Variants in RBFOX1 observed in about 807,000 individuals in gnomAD.
The protein encoded by RBFOX1 is RNA binding fox-1 homolog 1, also known as RNA binding protein fox-1 homolog 1.
A neutral mutation model predicts 57.7 loss-of-function variants in RBFOX1; 8 were observed. The ratio of observed to expected loss-of-function variants is 0.14; its 90% CI spans 0.08 to 0.25. The LOEUF is 0.25. Ranked by LOEUF, RBFOX1 falls within the 10% of genes least tolerant of loss-of-function variation. RBFOX1 has a pLI of 1.00. For synonymous variants in RBFOX1, 326 were observed against 222.4 expected, an observed-to-expected ratio of 1.47 and a Z score of -4.15; for missense variants, 611 against 548.5, an observed-to-expected ratio of 1.11 and a Z score of -1.14.
intron 1 of RBFOX1, among the ~76,000 whole-genome samples, chr16:6,310,425 G>T (rs2152761039): frequency 6.6e-6 from 1 of 152,298 alleles, no homozygotes; most frequent in South Asian, 2.1e-4. Context: ...TTTATTAAAA[G>T]GATTGTTGTT....
intron 5 of RBFOX1, among the ~76,000 whole-genome samples, chr16:7,551,361 A>G (rs1438699547): frequency 1.3e-5 from 2 of 152,018 alleles, no homozygotes; most frequent in Admixed American, 1.3e-4. Context: ...GATGAGATGT[A>G]CCCTCCAGGG....
Position 5,614,764 on chromosome 16 carries a change from A to G in RBFOX1, c.318+15803A>G, listed in dbSNP as rs2047958842. 2.0e-5 allele frequency among the ~76,000 whole-genome samples: 3 copies of G among 152,180 alleles called. No homozygotes were observed. The South Asian group carries it at 6.2e-4, about 32-fold the overall frequency. Reference sequence around the variant, plus strand: ...AATGCAAATCTAGATGCGAGATGCTATGGGTGAGTGAAGGTGCACAAATTA... The same window carrying G: ...AATGCAAATCTAGATGCGAGATGCTGTGGGTGAGTGAAGGTGCACAAATTA... On this transcript the variant is annotated intron_variant, in intron 3 of 19. Coordinates refer to the RBFOX1 transcript ENST00000641259.
chr16:7,257,648 A>G lies in RBFOX1; in HGVS notation c.27+205550A>G, dbSNP rs996896602. On this transcript the variant is annotated intron_variant, in intron 4 of 15. Transcript: ENST00000550418. Reference sequence around the variant, plus strand: ...TCTTCCAAAGTGAGATTGTACTCCCAACCCTCCTCTGTAGCCATCCTTGGG... The same window carrying G: ...TCTTCCAAAGTGAGATTGTACTCCCGACCCTCCTCTGTAGCCATCCTTGGG... Among the ~76,000 whole-genome samples, 9 of 152,150 alleles carry G rather than the reference A, an allele frequency of 5.9e-5. No individual in the cohort carries two copies. In the South Asian group the frequency reaches 1.2e-3, roughly 21 times the overall value.
At chr16:5,648,303 C>T (rs568728304) in intron 3 of RBFOX1, among the ~76,000 whole-genome samples, 1 of 152,208 alleles carries the variant, frequency 6.6e-6, no homozygotes, top group African/African-American at 2.4e-5. Context: ...GTGTCACAAC[C>T]TCACTTTCTT....
intron 2 of RBFOX1, among the ~76,000 whole-genome samples, chr16:6,571,457 G>A (rs1036904910): frequency 1.2e-4 from 19 of 152,164 alleles, no homozygotes; most frequent in African/African-American, 4.6e-4. Flanking sequence ...TTTAAGTTGT[G>A]TATGCTTCAT....
At chr16:5,817,647 T>C (rs891652987) in intron 3 of RBFOX1, among the ~76,000 whole-genome samples, 8 of 150,134 alleles carry the variant, frequency 5.3e-5, no homozygotes, top group Non-Finnish European at 1.0e-4. Flanking sequence ...TTCATGAAGA[T>C]GGGGCTGGAG....
At chr16:7,046,865 C>G (rs906570035) in intron 3 of RBFOX1, among the ~76,000 whole-genome samples, 1 of 151,972 alleles carries the variant, frequency 6.6e-6, no homozygotes, top group African/African-American at 2.4e-5. Context: ...CTCGGTCTTT[C>G]AAAGTTCTGG....
intron 2 of RBFOX1, among the ~76,000 whole-genome samples, chr16:6,550,967 A>G (rs781319842): frequency 1.3e-5 from 2 of 152,180 alleles, no homozygotes; most frequent in Non-Finnish European, 2.9e-5. Flanking sequence ...ATGGGAATAC[A>G]AGTGTGGGCA....
At chr16:7,200,828 C>T (rs1042429436) in intron 4 of RBFOX1, among the ~76,000 whole-genome samples, 3 of 152,170 alleles carry the variant, frequency 2.0e-5, no homozygotes, top group African/African-American at 7.2e-5. Context: ...TAGGCCCTTT[C>T]ATGCTTTCTC....
intron 4 of RBFOX1, among the ~76,000 whole-genome samples, chr16:7,265,223 C>G (rs1014170011): frequency 2.6e-5 from 4 of 151,804 alleles, no homozygotes; most frequent in Admixed American, 6.6e-5. Flanking sequence ...GAAATCTTTT[C>G]TCTTGCAGAT....
chr16:6,927,394 C>G (rs1395720909), intron 3 of RBFOX1, among the ~76,000 whole-genome samples: 1 of 97,664 alleles, frequency 1.0e-5, no homozygotes, highest in East Asian at 3.1e-4. Flanking sequence ...GCCTGGGCAA[C>G]AGAGTGAGAC....
intron 1 of RBFOX1, among the ~76,000 whole-genome samples, chr16:6,185,071 A>G (rs1288257487): frequency 6.6e-6 from 1 of 152,192 alleles, no homozygotes; most frequent in Non-Finnish European, 1.5e-5. Context: ...CTGTAGAACA[A>G]GGAAGAGGTT....
intron 1 of RBFOX1, among the ~76,000 whole-genome samples, chr16:5,307,113 C>T (rs1006348493): frequency 1.3e-5 from 2 of 152,156 alleles, no homozygotes; most frequent in African/African-American, 4.8e-5. Context: ...ACCAACCTGG[C>T]TGTTCCTGGG....
intron 2 of RBFOX1, among the ~76,000 whole-genome samples, chr16:5,495,923 T>C (rs2042987108): frequency 6.6e-6 from 1 of 152,132 alleles, no homozygotes; most frequent in Admixed American, 6.5e-5. Flanking sequence ...GTCAGGAGTT[T>C]GAGGCCATCC....
At chr16:7,385,788 G>C (rs188576716) in intron 4 of RBFOX1, among the ~76,000 whole-genome samples, 37 of 152,060 alleles carry the variant, frequency 2.4e-4, no homozygotes, top group Admixed American at 2.0e-3. Context: ...GAGTCTCGCT[G>C]TGTCACCCAG....
At chr16:7,492,686 G>A (rs953245806) in intron 4 of RBFOX1, among the ~76,000 whole-genome samples, 1 of 152,108 alleles carries the variant, frequency 6.6e-6, no homozygotes, top group Non-Finnish European at 1.5e-5. Flanking sequence ...GAGTGGTTTA[G>A]TGCCATACCC....
At chr16:6,865,008 T>C (rs1183401352) in intron 3 of RBFOX1, among the ~76,000 whole-genome samples, 3 of 142,538 alleles carry the variant, frequency 2.1e-5, no homozygotes, top group Non-Finnish European at 4.5e-5. Flanking sequence ...TTTTTTTTTT[T>C]TTTTTTTTTT....
chr16:7,116,230 A>G (rs571922536), intron 4 of RBFOX1, among the ~76,000 whole-genome samples: 5 of 152,240 alleles, frequency 3.3e-5, no homozygotes, highest in African/African-American at 1.2e-4. Context: ...TCCTGAATAT[A>G]TAGAGAGAAA....
At chr16:5,463,759 C>T (rs1428667500) in intron 1 of RBFOX1, among the ~76,000 whole-genome samples, 2 of 149,528 alleles carry the variant, frequency 1.3e-5, no homozygotes, top group African/African-American at 5.0e-5. Flanking sequence ...AAGATTGCAC[C>T]ACTGCACTCC....
Sources: gnomAD v4.1 joint callset for allele counts (sites outside exome capture counted in the v4.1 genomes callset) on GRCh38, gnomAD v4.1.1 for gene constraint, MANE v1.5 for transcripts, NCBI Gene and HGNC (gene_info 2026-07-23, HGNC 2026-07-21) for gene names.